GRK5: variants seen among roughly 807,000 people sequenced by gnomAD.
GRK5 encodes g protein-coupled receptor kinase GRK5.
GRK5 carries 40 observed loss-of-function variants against 78.4 expected under a neutral mutation model. That is an observed-to-expected ratio of 0.51 (90% CI 0.40 to 0.66). The LOEUF (loss-of-function observed/expected upper bound fraction) is 0.66, where lower values mean the gene tolerates loss of function less well. Ranked by LOEUF, GRK5 falls within the 30% of genes least tolerant of loss-of-function variation. The pLI is 0.00. For missense variants in GRK5, 598 were observed against 759.9 expected, an observed-to-expected ratio of 0.79 and a Z score of 2.50; for synonymous variants, 289 against 296.8, an observed-to-expected ratio of 0.97 and a Z score of 0.27.
chr10:119,290,344 C>T (rs1367684512), intron 1 of GRK5, among the ~76,000 whole-genome samples: 1 of 68,310 alleles, frequency 1.5e-5, no homozygotes, highest in Non-Finnish European at 2.9e-5. Flanking sequence ...GAGATTCCGT[C>T]TCAAAAAAAA....
chr10:119,274,855 G>A (rs1354104696), intron 1 of GRK5, among the ~76,000 whole-genome samples: 1 of 152,200 alleles, frequency 6.6e-6, no homozygotes, highest in Non-Finnish European at 1.5e-5. Flanking sequence ...GGTGGCCTGG[G>A]GCACTTGTGG....
chr10:119,372,186 T>C (rs1480592933), intron 2 of GRK5, among the ~76,000 whole-genome samples: 1 of 152,208 alleles, frequency 6.6e-6, no homozygotes, highest in Non-Finnish European at 1.5e-5. Flanking sequence ...CCCAAGCCTG[T>C]GCTTGTTCGC....
At chr10:119,396,835 C>T (rs1482660017) in intron 4 of GRK5, 63 bp downstream of exon 4, 4 of 1,284,620 alleles carry the variant, frequency 3.1e-6, no homozygotes, top group Non-Finnish European at 4.5e-6. Flanking sequence ...AATAGGAGCC[C>T]CTAAGTCTGT....
At chr10:119,323,138 C>T (rs1473485534) in intron 1 of GRK5, among the ~76,000 whole-genome samples, 1 of 151,740 alleles carries the variant, frequency 6.6e-6, no homozygotes, top group Non-Finnish European at 1.5e-5. Flanking sequence ...TTGCCGGGAG[C>T]TAGGAGGAAG....
In GRK5 at chr10:119,405,912, G is replaced by A. The variant is rs1007413014; in HGVS notation, c.339+9140G>A. On this transcript the variant is annotated intron_variant, in intron 4 of 15. Transcript: ENST00000392870. ...TAGATGCGTTTTAAAAGGAAACCTT[G>A]TACCAGGAACATGCCTGGAGAACCA... 2.0e-5 allele frequency among the ~76,000 whole-genome samples: 3 copies of A among 152,176 alleles called. No individual in the cohort carries two copies. The East Asian group carries it at 5.8e-4, about 29-fold the overall frequency.
Position 119,430,411 on chromosome 10 carries a change from A to G in GRK5, c.570A>G (p.Arg190=), listed in dbSNP as rs1413831575. 6.2e-7 allele frequency: 1 copy of G among 1,612,978 alleles called. No homozygotes were observed. Among genetic ancestry groups the G allele is most frequent in the East Asian group, 2.2e-5 (1 of 44,816 alleles). ...CCAAAAACACTTTCAGGCAGTATCG[A>G]GTGCTAGGAAAAGGGGGCTTCGGGG... ...PVTKNTFRQY[R]VLGKGGFGEV... is the part of the protein sequence containing the mutation. The change falls in exon 7 of 16, where the codon CGA becomes CGG. Residue 190 remains arginine, a synonymous_variant. Coordinates refer to ENST00000392870, the MANE Select transcript of GRK5 (RefSeq NM_005308.3). The surrounding 1 kb of genome is among the most constrained non-coding windows in gnomAD (Gnocchi z 4.5).
intron 1 of GRK5, among the ~76,000 whole-genome samples, chr10:119,318,504 A>T (rs887784238): frequency 1.3e-5 from 2 of 152,296 alleles, no homozygotes; most frequent in South Asian, 2.1e-4. Flanking sequence ...TAGACCTTAG[A>T]CCGTCCACAT....
chr10:119,263,052 G>A (rs1463047263), intron 1 of GRK5, among the ~76,000 whole-genome samples: 3 of 152,008 alleles, frequency 2.0e-5, no homozygotes, highest in African/African-American at 7.2e-5. Context: ...CTGCCATCCA[G>A]GCTGGAGTGC....
At chr10:119,364,292 G>A (rs1003492829) in intron 2 of GRK5, among the ~76,000 whole-genome samples, 2 of 152,212 alleles carry the variant, frequency 1.3e-5, no homozygotes, top group Non-Finnish European at 2.9e-5. Context: ...GGTTCCCTTG[G>A]GGGTGGAGCT....
At chr10:119,246,213 T>C (rs190661032) in intron 1 of GRK5, among the ~76,000 whole-genome samples, 201 of 152,234 alleles carry the variant, frequency 1.3e-3, no homozygotes, top group Admixed American at 3.9e-3. Flanking sequence ...GACATAGTAT[T>C]CACATATAAC....
At chr10:119,312,273 A>AT (rs1850372101) in intron 1 of GRK5, among the ~76,000 whole-genome samples, 1 of 152,166 alleles carries the variant, frequency 6.6e-6, no homozygotes, top group South Asian at 2.1e-4. Flanking sequence ...ATAAATGATT[A>AT]TTTTTTAATG....
At position 119,412,928 on chromosome 10, in the gene GRK5, G is replaced by T. The variant is rs1852373807; in HGVS notation, c.340-10238G>T. Among the ~76,000 whole-genome samples the T allele has an allele frequency of 6.6e-6, 1 of 152,188 alleles. No homozygotes were observed. The highest frequency in any genetic ancestry group is 1.5e-5 in the Non-Finnish European group (1 of 68,026). On this transcript the variant is annotated intron_variant, in intron 4 of 15. Transcript: ENST00000392870. This position sits in a 1 kb window ranked among gnomAD's most constrained non-coding sequence, Gnocchi z 4.3. Reference sequence around the variant, plus strand: ...AGTGAGCTCAGGGAATCGGAGCTCGGCGAGACGAGGGGAGCTCTTGGCCGT... The same window carrying T: ...AGTGAGCTCAGGGAATCGGAGCTCGTCGAGACGAGGGGAGCTCTTGGCCGT...
chr10:119,312,745 G>A (rs918972107), intron 1 of GRK5, among the ~76,000 whole-genome samples: 6 of 152,198 alleles, frequency 3.9e-5, no homozygotes, highest in Non-Finnish European at 8.8e-5. Flanking sequence ...CGGGACAGAC[G>A]CTGGCATCAT....
rs1042010857 is a variant in GRK5, at chr10:119,336,871, G to T, written c.148+10260G>T. On this transcript the variant is annotated intron_variant, in intron 2 of 15. Transcript: ENST00000392870. This position sits in a 1 kb window ranked among gnomAD's most constrained non-coding sequence, Gnocchi z 4.5. ...TGGAACATCAGGTGACCTGTCCGCAGCTGGAGCTCTCAGGAGGGAAGGGTG... is the reference window on the plus strand; with the variant it reads ...TGGAACATCAGGTGACCTGTCCGCATCTGGAGCTCTCAGGAGGGAAGGGTG... Among the ~76,000 whole-genome samples the T allele has an allele frequency of 6.6e-6, 1 of 152,216 alleles. No homozygotes were observed. Among genetic ancestry groups the T allele is most frequent in the Non-Finnish European group, 1.5e-5 (1 of 68,044 alleles).
chr10:119,430,230 A>G lies in GRK5; in HGVS notation c.534-145A>G. 1 of 719,000 alleles carries G rather than the reference A, an allele frequency of 1.4e-6. No homozygotes were observed. Among genetic ancestry groups the G allele is most frequent in the South Asian group, 1.6e-5 (1 of 63,054 alleles). 44.5% of individuals were successfully genotyped at this position (719,000 alleles called of 1,614,324 possible). A position where few individuals can be genotyped will look rare whatever the true frequency, so the allele number is the denominator to read the frequency against. On this transcript the variant is annotated intron_variant, in intron 6 of 15. Transcript: ENST00000392870. The surrounding 1 kb of genome is among the most constrained non-coding windows in gnomAD (Gnocchi z 4.5). ...CTAAGTCCTCGAAGGTCCAGTCTCC[A>G]GCGATGATTCCTGGGGGGTCCCTGG...
intron 4 of GRK5, among the ~76,000 whole-genome samples, chr10:119,415,282 G>A (rs927826501): frequency 1.9e-4 from 29 of 151,950 alleles, no homozygotes; most frequent in African/African-American, 7.0e-4. Context: ...ATGAAGGGGT[G>A]GGAAGGAACG....
In GRK5 at chr10:119,207,958, A is replaced by C; in HGVS notation, c.41A>C (p.Lys14Thr). Residue 14 changes from lysine to threonine, a missense_variant, in exon 1 of 16, where the codon AAA becomes ACA. Lys to Thr is a moderately conservative substitution (Grantham distance 78). Transcript: ENST00000392870. ...ENIVANTVLL[K>T]AREGGGGKRK... is the part of the protein sequence containing the mutation. ...ATCGTGGCCAACACGGTCTTGCTGA[A>C]AGCCAGGGAAGGTAAGAGGCAGGGC... 1 of 1,604,702 alleles carries C rather than the reference A, an allele frequency of 6.2e-7. No individual in the cohort carries two copies. Among genetic ancestry groups the C allele is most frequent in the South Asian group, 1.1e-5 (1 of 89,942 alleles).
chr10:119,302,019 A>C (rs1473269516), intron 1 of GRK5, among the ~76,000 whole-genome samples: 2 of 152,222 alleles, frequency 1.3e-5, no homozygotes, highest in African/African-American at 2.4e-5. Context: ...GAAAATACCA[A>C]GCAATGAAGG....
At chr10:119,294,153 C>G (rs1850037451) in intron 1 of GRK5, among the ~76,000 whole-genome samples, 1 of 152,154 alleles carries the variant, frequency 6.6e-6, no homozygotes, top group African/African-American at 2.4e-5. Flanking sequence ...GGGTGAGAGG[C>G]ATGTGTGGTG....
Sources: allele counts gnomAD v4.1 joint callset (sites outside exome capture counted in the v4.1 genomes callset), GRCh38; gene constraint gnomAD v4.1.1; non-coding constraint Gnocchi (gnomAD v3.1); transcripts MANE v1.5; gene names NCBI Gene and HGNC (gene_info 2026-07-23, HGNC 2026-07-21).